The following GREB1L variants were observed in gnomAD, a reference collection of about 807,000 sequenced individuals.
GREB1L encodes GREB1-like protein.
GREB1L carries 17 observed loss-of-function variants against 200.8 expected under a neutral mutation model. The ratio of observed to expected loss-of-function variants is 0.08; its 90% CI spans 0.06 to 0.13. The LOEUF is 0.13. Ranked by LOEUF, GREB1L falls within the 10% of genes least tolerant of loss-of-function variation. The pLI is 1.00. For synonymous variants in GREB1L, 789 were observed against 893.0 expected (o/e 0.88, Z 2.08); for missense variants, 1,657 against 2,367.7 (o/e 0.70, Z 6.23).
At chr18:21,485,829 G>A (rs2036107210) in intron 18 of GREB1L, 76 bp downstream of exon 18, 3 of 1,443,676 alleles carry the variant, frequency 2.1e-6, no homozygotes, top group Non-Finnish European at 2.8e-6. Flanking sequence ...AGCCTTTTGT[G>A]TCAGTGCTAC....
intron 15 of GREB1L, among the ~76,000 whole-genome samples, chr18:21,460,832 C>T (rs1301800165): frequency 6.6e-6 from 1 of 151,868 alleles, no homozygotes; most frequent in Non-Finnish European, 1.5e-5. Context: ...CATGGTGGCT[C>T]ATGCCTATAA....
rs190274632 is a variant in GREB1L, at chr18:21,388,938, G to T, written c.355+4535G>T. ...TAAATTTTTATCTTATTCTTTCAAG[G>T]GTACATACTATCAACATGATTTAAC... On this transcript the variant is annotated intron_variant, in intron 4 of 32. Coordinates refer to ENST00000424526, the MANE Select transcript of GREB1L (RefSeq NM_001142966.3). Among the ~76,000 whole-genome samples the T allele has an allele frequency of 6.6e-3, 1,009 of 152,002 alleles. 7 individuals are homozygous for T. Among genetic ancestry groups the T allele is most frequent in the Admixed American group, 8.5e-3 (129 of 15,264 alleles).
At position 21,384,206 on chromosome 18, in the gene GREB1L, A is replaced by G; in HGVS notation, c.158A>G (p.Asp53Gly). The change falls in exon 4 of 33, where the codon GAT becomes GGT. Residue 53 changes from aspartate (D) to glycine (G), a missense_variant and splice_region_variant. Physicochemically the swap from Asp to Gly is moderately conservative, Grantham distance 94. Coordinates refer to ENST00000424526, the MANE Select transcript of GREB1L (RefSeq NM_001142966.3). ...DPDQHPFSSADVKPKVEDLDK... is the reference protein window; with the variant it reads ...DPDQHPFSSAGVKPKVEDLDK... ...TGCTGTGATTTATTTGCTTACCCAG[A>G]TGTCAAACCCAAGGTGGAGGATCTG... The G allele has an allele frequency of 6.5e-7, 1 of 1,543,120 alleles. No individual in the cohort carries two copies. The highest frequency in any genetic ancestry group is 8.8e-7 in the Non-Finnish European group (1 of 1,139,486).
intron 5 of GREB1L, among the ~76,000 whole-genome samples, chr18:21,395,949 T>C (rs1364203285): frequency 6.6e-6 from 1 of 151,914 alleles, no homozygotes; most frequent in Admixed American, 6.6e-5. Context: ...GGAGTGGTCT[T>C]AAACCCCTGA....
intron 7 of GREB1L, among the ~76,000 whole-genome samples, chr18:21,415,972 A>G (rs2031590470): frequency 3.3e-5 from 5 of 152,244 alleles, no homozygotes; most frequent in Admixed American, 3.3e-4. Context: ...CCAGGGTGCA[A>G]AGAGGCAAGA....
chr18:21,305,464 C>T (rs554563102), intron 1 of GREB1L, among the ~76,000 whole-genome samples: 1 of 151,896 alleles, frequency 6.6e-6, no homozygotes, highest in Non-Finnish European at 1.5e-5. Flanking sequence ...TTTATTTTTT[C>T]TTTCTCTAAA....
At chr18:21,389,752 A>G (rs1412149472) in intron 4 of GREB1L, among the ~76,000 whole-genome samples, 1 of 152,202 alleles carries the variant, frequency 6.6e-6, no homozygotes, top group African/African-American at 2.4e-5. Context: ...TCAGTCTGTG[A>G]GCATGAATTA....
At chr18:21,303,966 A>G (rs2038659433) in intron 1 of GREB1L, among the ~76,000 whole-genome samples, 1 of 152,190 alleles carries the variant, frequency 6.6e-6, no homozygotes, top group Non-Finnish European at 1.5e-5. Flanking sequence ...TTTCTGTGAA[A>G]TTTTGTTGAT....
At chr18:21,405,152 G>A (rs868691345) in intron 7 of GREB1L, among the ~76,000 whole-genome samples, 2 of 152,214 alleles carry the variant, frequency 1.3e-5, no homozygotes, top group Non-Finnish European at 2.9e-5. Context: ...GGGAGATTTA[G>A]ATAGAGGCTC....
intron 15 of GREB1L, among the ~76,000 whole-genome samples, chr18:21,455,591 G>A (rs1024512863): frequency 5.9e-5 from 9 of 151,692 alleles, no homozygotes; most frequent in Admixed American, 5.3e-4. Context: ...GCTGAGGCAG[G>A]AGAATCACTT....
intron 1 of GREB1L, among the ~76,000 whole-genome samples, chr18:21,354,278 G>A (rs537529996): frequency 2.0e-5 from 3 of 152,100 alleles, no homozygotes; most frequent in Admixed American, 6.6e-5. Context: ...AATCTGATAC[G>A]TTAGATTATT....
chr18:21,287,825 G>A (rs1486908838), intron 1 of GREB1L, among the ~76,000 whole-genome samples: 1 of 141,644 alleles, frequency 7.1e-6, no homozygotes, highest in Non-Finnish European at 1.5e-5. Flanking sequence ...ATGGAGTCTC[G>A]CTCTTGTTGC....
intron 1 of GREB1L, among the ~76,000 whole-genome samples, chr18:21,300,364 A>T (rs182921961): frequency 6.6e-6 from 1 of 152,242 alleles, no homozygotes; most frequent in Non-Finnish European, 1.5e-5. Context: ...ACTGTGGTGT[A>T]AATCCATCAT....
intron 16 of GREB1L, among the ~76,000 whole-genome samples, chr18:21,476,108 G>A (rs1209078336): frequency 6.6e-6 from 1 of 151,586 alleles, no homozygotes. Flanking sequence ...GTCGGGGGTG[G>A]CAAATAGTCA....
At chr18:21,475,691 G>A (rs1454530996) in intron 16 of GREB1L, among the ~76,000 whole-genome samples, 1 of 152,054 alleles carries the variant, frequency 6.6e-6, no homozygotes, top group Middle Eastern at 3.4e-3. Flanking sequence ...AGTTGGCAGG[G>A]TGCGGTGGCT....
In GREB1L at chr18:21,507,271, TAA is replaced by T. The variant is rs539829356; in HGVS notation, c.4369-845_4369-844del. Among the ~76,000 whole-genome samples, 264 of 152,314 alleles carry T rather than the reference TAA, an allele frequency of 1.7e-3. 1 individual carries two copies. The Middle Eastern group carries it at 0.037, about 22-fold the overall frequency. ...CTCTTTATTAGAAATCCTCTATTCA[TAA>T]AGTTTCTGTGTGACTACAGTACTAA... On this transcript the variant is annotated intron_variant, in intron 25 of 32. Transcript: ENST00000424526.
intron 1 of GREB1L, among the ~76,000 whole-genome samples, chr18:21,261,010 T>C (rs1324224358): frequency 1.3e-5 from 2 of 152,110 alleles, no homozygotes; most frequent in East Asian, 3.9e-4. Context: ...TATTTTTTAG[T>C]TCTATGTAAA....
At chr18:21,323,372 A>G (rs768460147) in intron 1 of GREB1L, among the ~76,000 whole-genome samples, 6 of 152,218 alleles carry the variant, frequency 3.9e-5, no homozygotes, top group African/African-American at 1.2e-4. Context: ...TGTAACTGAT[A>G]CTACAGACAA....
chr18:21,366,899 A>T (rs1360543551), intron 2 of GREB1L, among the ~76,000 whole-genome samples: 2 of 152,170 alleles, frequency 1.3e-5, no homozygotes, highest in Non-Finnish European at 2.9e-5. Context: ...GACCACGCAG[A>T]TACTGAAACC....
Sources: gnomAD v4.1 joint callset for allele counts (sites outside exome capture counted in the v4.1 genomes callset) on GRCh38, gnomAD v4.1.1 for gene constraint, MANE v1.5 for transcripts, NCBI Gene and HGNC (gene_info 2026-07-23, HGNC 2026-07-21) for gene names.